KCNIP1: variants seen among roughly 807,000 people sequenced by gnomAD.
The protein encoded by KCNIP1 is potassium voltage-gated channel interacting protein 1.
Under a neutral mutation model 33.0 loss-of-function variants are expected in KCNIP1, and 18 were observed. The observed-to-expected ratio is 0.55, with a 90% CI of 0.38 to 0.81. The LOEUF is 0.81. KCNIP1 is among the 30% of genes least tolerant of loss of function. The pLI, the probability that KCNIP1 is intolerant of heterozygous loss-of-function variation, is 0.00. For synonymous variants in KCNIP1, 93 were observed against 98.3 expected (o/e 0.95, Z 0.32); for missense variants, 238 against 271.6 (o/e 0.88, Z 0.87).
At chr5:170,531,373 T>A (rs1201346057) in intron 1 of KCNIP1, among the ~76,000 whole-genome samples, 1 of 152,190 alleles carries the variant, frequency 6.6e-6, no homozygotes, top group African/African-American at 2.4e-5. Context: ...CCTTCTCCAC[T>A]TAAGTTTTGC....
chr5:170,468,622 T>C (rs1756658455), intron 1 of KCNIP1, among the ~76,000 whole-genome samples: 1 of 152,148 alleles, frequency 6.6e-6, no homozygotes, highest in Admixed American at 6.6e-5. Context: ...GGCTCTCTCC[T>C]GTAATCTCAG....
At chr5:170,696,563 G>A (rs1270768229) in intron 1 of KCNIP1, among the ~76,000 whole-genome samples, 1 of 152,126 alleles carries the variant, frequency 6.6e-6, no homozygotes, top group Non-Finnish European at 1.5e-5. Context: ...TTGAGAGAGG[G>A]CAGCACATTG....
chr5:170,640,507 A>G (rs1760498950), intron 1 of KCNIP1, among the ~76,000 whole-genome samples: 1 of 152,190 alleles, frequency 6.6e-6, no homozygotes, highest in African/African-American at 2.4e-5. Flanking sequence ...ATAGGCCAAT[A>G]TCCAGAGCTG....
intron 5 of KCNIP1, among the ~76,000 whole-genome samples, chr5:170,723,151 G>A (rs1763889572): frequency 6.6e-6 from 1 of 152,194 alleles, no homozygotes; most frequent in Non-Finnish European, 1.5e-5. Flanking sequence ...GGAGCCACAA[G>A]TCAAAGCTAA....
intron 1 of KCNIP1, among the ~76,000 whole-genome samples, chr5:170,515,771 G>A (rs1755098097): frequency 6.6e-6 from 1 of 152,176 alleles, no homozygotes; most frequent in South Asian, 2.1e-4. Context: ...CTGGACCTGA[G>A]CATTTAGAGG....
chr5:170,439,185 G>A (rs974088974), intron 1 of KCNIP1, among the ~76,000 whole-genome samples: 4 of 152,154 alleles, frequency 2.6e-5, no homozygotes, highest in East Asian at 1.9e-4. Flanking sequence ...TTAATAAACC[G>A]GGTGAACTGA....
chr5:170,385,580 G>T (rs1193396384), intron 1 of KCNIP1: 1 of 1,027,182 alleles, frequency 9.7e-7, no homozygotes, highest in Non-Finnish European at 1.4e-6. Context: ...TATCACTCTT[G>T]TTTATATTTG....
intron 1 of KCNIP1, among the ~76,000 whole-genome samples, chr5:170,598,671 G>A (rs761440772): frequency 2.0e-5 from 3 of 152,138 alleles, no homozygotes; most frequent in Admixed American, 6.5e-5. Flanking sequence ...ACACAGAGAG[G>A]GGAGGCCTGG....
chr5:170,366,370 C>T (rs1763659912), intron 1 of KCNIP1, among the ~76,000 whole-genome samples: 1 of 152,196 alleles, frequency 6.6e-6, no homozygotes, highest in Admixed American at 6.5e-5. Context: ...GGGTCAGAGC[C>T]CCCTGAGGAC....
intron 1 of KCNIP1, among the ~76,000 whole-genome samples, chr5:170,433,331 C>T (rs550177399): frequency 7.2e-5 from 11 of 152,152 alleles, no homozygotes; most frequent in Admixed American, 6.5e-4. Flanking sequence ...GGATTACAGG[C>T]GCCCAACATC....
At chr5:170,539,664 C>G (rs776495281) in intron 1 of KCNIP1, among the ~76,000 whole-genome samples, 1 of 152,154 alleles carries the variant, frequency 6.6e-6, no homozygotes, top group Non-Finnish European at 1.5e-5. Context: ...CCATTGTCCT[C>G]GCTAGACTTC....
chr5:170,609,486 AC>A (rs1248037076), intron 1 of KCNIP1, among the ~76,000 whole-genome samples: 1 of 152,014 alleles, frequency 6.6e-6, no homozygotes, highest in Non-Finnish European at 1.5e-5. Flanking sequence ...ATTTACTCAG[AC>A]TTTTTGATTA....
chr5:170,588,996 CTT>C (rs67130531), intron 1 of KCNIP1, among the ~76,000 whole-genome samples: 4 of 117,382 alleles, frequency 3.4e-5, no homozygotes, highest in African/African-American at 3.2e-5. Context: ...ATACTTACTT[CTT>C]TTTTTTTTTT....
intron 1 of KCNIP1, among the ~76,000 whole-genome samples, chr5:170,694,944 G>A (rs550088700): frequency 1.3e-4 from 20 of 152,268 alleles, no homozygotes; most frequent in African/African-American, 4.8e-4. Context: ...GCTTTCCAAG[G>A]ACTTGTCATA....
At chr5:170,655,806 T>C (rs955414653) in intron 1 of KCNIP1, among the ~76,000 whole-genome samples, 1 of 152,182 alleles carries the variant, frequency 6.6e-6, no homozygotes, top group Non-Finnish European at 1.5e-5. Context: ...ATGTTCCCGC[T>C]GTGGGGGGAA....
At chr5:170,499,923 G>C (rs891281469), upstream of KCNIP1, among the ~76,000 whole-genome samples, 1 of 152,166 alleles carries the variant, frequency 6.6e-6, no homozygotes, top group Middle Eastern at 3.2e-3. Flanking sequence ...AAGGCCTTGC[G>C]TCCAGAACTT....
At chr5:170,383,923 A>T in intron 1 of KCNIP1, 1 of 1,508,538 alleles carries the variant, frequency 6.6e-7, no homozygotes, top group Admixed American at 1.9e-5. Context: ...ATTTGAACCC[A>T]TTATCCCCTG....
intron 1 of KCNIP1, among the ~76,000 whole-genome samples, chr5:170,649,026 G>A (rs534672561): frequency 6.6e-6 from 1 of 152,194 alleles, no homozygotes; most frequent in Non-Finnish European, 1.5e-5. Flanking sequence ...TTAGAATATG[G>A]AGCAACAGGA....
In KCNIP1 at chr5:170,559,309, G is replaced by C. The variant is rs150154762; in HGVS notation, c.61+54676G>C. Among the ~76,000 whole-genome samples, 710 of 152,296 alleles carry C rather than the reference G, an allele frequency of 4.7e-3. 5 individuals are homozygous for C. The highest frequency in any genetic ancestry group is 0.016 in the African/African-American group (672 of 41,574). On this transcript the variant is annotated intron_variant, in intron 1 of 7. Coordinates refer to ENST00000328939, the MANE Select transcript of KCNIP1 (RefSeq NM_014592.4). ...AGTTATCACAATAAACCCATAATTA[G>C]TTACTTCCATTTATGTCAAATCGCC...
Sources: gnomAD v4.1 joint callset for allele counts (sites outside exome capture counted in the v4.1 genomes callset) on GRCh38, gnomAD v4.1.1 for gene constraint, MANE v1.5 for transcripts, NCBI Gene and HGNC (gene_info 2026-07-23, HGNC 2026-07-21) for gene names.